OSGIN2: variants seen among roughly 807,000 people sequenced by gnomAD.
OSGIN2 encodes oxidative stress-induced growth inhibitor 2.
A neutral mutation model predicts 53.8 loss-of-function variants in OSGIN2; 19 were observed. That is an observed-to-expected ratio of 0.35 (90% confidence interval 0.25 to 0.52). OSGIN2 has a LOEUF of 0.52. Ranked by LOEUF, OSGIN2 falls within the 20% of genes least tolerant of loss-of-function variation. OSGIN2 has a pLI of 0.95. For missense variants in OSGIN2, 520 were observed against 662.7 expected (o/e 0.78, Z 2.36); for synonymous variants, 236 against 236.0 (o/e 1.00, Z 0.00).
chr8:89,914,674 T>C lies in OSGIN2; in HGVS notation c.456T>C (p.His152=), dbSNP rs369285064. The C allele has an allele frequency of 8.7e-6, 14 of 1,613,976 alleles. No individual in the cohort carries two copies. The highest frequency in any genetic ancestry group is 8.0e-5 in the African/African-American group (6 of 74,938). ...DFGYDYPSVL[H]WKLEQHHYIP... is the part of the protein sequence containing the mutation. ...GGTATGATTATCCATCCGTTTTGCA[T>C]TGGAAATTAGAGCAACATCATTATA... Residue 152 remains histidine (H), a synonymous_variant, in exon 4 of 6, where the codon CAT becomes CAC. Coordinates refer to ENST00000451899, the MANE Select transcript of OSGIN2 (RefSeq NM_001126111.3).
At chr8:89,911,653 G>T (rs923841658) in intron 2 of OSGIN2, among the ~76,000 whole-genome samples, 1 of 149,308 alleles carries the variant, frequency 6.7e-6, no homozygotes, top group Non-Finnish European at 1.5e-5. Context: ...AAGAAAAGAG[G>T]GCCAGGCCTG....
chr8:89,923,849 T>A (rs1432719757), intron 5 of OSGIN2, among the ~76,000 whole-genome samples: 1 of 152,196 alleles, frequency 6.6e-6, no homozygotes, highest in Non-Finnish European at 1.5e-5. Context: ...TTTTGCTTGT[T>A]GCTTTGAACT....
intron 1 of OSGIN2, among the ~76,000 whole-genome samples, chr8:89,906,890 C>T (rs558707489): frequency 6.6e-6 from 1 of 152,226 alleles, no homozygotes; most frequent in South Asian, 2.1e-4. Flanking sequence ...TACACTCCCC[C>T]CAACATATAA....
At chr8:89,907,929 C>T (rs1244340024) in intron 1 of OSGIN2, among the ~76,000 whole-genome samples, 2 of 152,102 alleles carry the variant, frequency 1.3e-5, no homozygotes, top group Admixed American at 1.3e-4. Flanking sequence ...CCATTCCCGT[C>T]GCCTCTGATT....
chr8:89,923,584 T>G (rs774669670), intron 5 of OSGIN2, among the ~76,000 whole-genome samples: 1 of 152,242 alleles, frequency 6.6e-6, no homozygotes, highest in Non-Finnish European at 1.5e-5. Flanking sequence ...TATTCAACAC[T>G]TTATTATAAA....
intron 5 of OSGIN2, among the ~76,000 whole-genome samples, chr8:89,922,853 G>A (rs10435548): frequency 0.035 from 5,379 of 152,204 alleles, 228 homozygotes; most frequent in East Asian, 0.17. Flanking sequence ...ATAGGGTATA[G>A]CCTGTTGCTC....
At chr8:89,904,806 G>GTC (rs918468604) in intron 1 of OSGIN2, among the ~76,000 whole-genome samples, 2 of 151,996 alleles carry the variant, frequency 1.3e-5, no homozygotes, top group Non-Finnish European at 2.9e-5. Flanking sequence ...GAGTGAGACT[G>GTC]TCTCAAAAAA....
intron 5 of OSGIN2, among the ~76,000 whole-genome samples, chr8:89,922,709 A>G (rs764439511): frequency 2.0e-5 from 3 of 152,320 alleles, no homozygotes; most frequent in Non-Finnish European, 2.9e-5. Flanking sequence ...AATGGAGATG[A>G]TAATACAGCC....
At chr8:89,909,152 G>A (rs1351775864) in intron 1 of OSGIN2, among the ~76,000 whole-genome samples, 5 of 145,988 alleles carry the variant, frequency 3.4e-5, no homozygotes, top group South Asian at 4.2e-4. Context: ...TATAAATACC[G>A]TAACTTTTTC....
chr8:89,906,169 G>T (rs1808834844), intron 1 of OSGIN2, among the ~76,000 whole-genome samples: 1 of 152,240 alleles, frequency 6.6e-6, no homozygotes, highest in South Asian at 2.1e-4. Flanking sequence ...CATCACGCAG[G>T]TATTAAGCCT....
At chr8:89,909,537 CT>C in intron 1 of OSGIN2, 29 bp from the exon 2 acceptor site, 1 of 1,295,810 alleles carries the variant, frequency 7.7e-7, no homozygotes, top group Admixed American at 2.6e-5. Context: ...GACTATATCT[CT>C]TTTTATTCCC....
intron 4 of OSGIN2, among the ~76,000 whole-genome samples, chr8:89,917,614 T>C (rs1173869796): frequency 6.6e-6 from 1 of 152,232 alleles, no homozygotes; most frequent in East Asian, 1.9e-4. Context: ...CTATAACCTT[T>C]GATATTTCCT....
Position 89,902,850 on chromosome 8 carries a change from C to CCGGGGATGGGAGGGGAGCAGG in OSGIN2, c.44+22_44+42dup. ...CCGGTCATTTCAGGTGACTTCCTCG[C>CCGGGGATGGGAGGGGAGCAGG]CGGGGATGGGAGGGGAGCAGGCGGG... On this transcript the variant is annotated intron_variant, in intron 1 of 5. Transcript: ENST00000451899. 1 of 1,377,714 alleles carries CCGGGGATGGGAGGGGAGCAGG rather than the reference C, an allele frequency of 7.3e-7. No individual in the cohort carries two copies. Among genetic ancestry groups the CCGGGGATGGGAGGGGAGCAGG allele is most frequent in the Non-Finnish European group, 9.6e-7 (1 of 1,045,122 alleles). 85.3% of individuals were successfully genotyped at this position (1,377,714 alleles called of 1,614,324 possible). A position where few individuals can be genotyped will look rare whatever the true frequency, so the allele number is the denominator to read the frequency against.
chr8:89,917,961 T>G (rs1809116942), intron 4 of OSGIN2, among the ~76,000 whole-genome samples: 1 of 152,192 alleles, frequency 6.6e-6, no homozygotes, highest in Non-Finnish European at 1.5e-5. Flanking sequence ...TATTTCCATC[T>G]TTAAAAAAAT....
chr8:89,916,117 C>A (rs1809073834), intron 4 of OSGIN2, among the ~76,000 whole-genome samples: 1 of 152,064 alleles, frequency 6.6e-6, no homozygotes, highest in Non-Finnish European at 1.5e-5. Flanking sequence ...TTAAAAAAAG[C>A]CATAATGTAT....
In OSGIN2 at chr8:89,924,770, C is replaced by T; in HGVS notation, c.888C>T (p.Cys296=). 6.2e-7 allele frequency: 1 copy of T among 1,614,164 alleles called. No individual in the cohort carries two copies. The highest frequency in any genetic ancestry group is 8.5e-7 in the Non-Finnish European group (1 of 1,180,016). Residue 296 remains cysteine, a synonymous_variant, in exon 6 of 6, where the codon TGC becomes TGT. Coordinates refer to ENST00000451899, the MANE Select transcript of OSGIN2 (RefSeq NM_001126111.3). ...CTGATGGTTCTCATGTTCCCTTCTG[C>T]CTCTTTGCTGAGAATGTAGCGCTGG... ...RIADGSHVPF[C]LFAENVALAT...
At chr8:89,913,257 G>T (rs1447324616) in intron 2 of OSGIN2, among the ~76,000 whole-genome samples, 2 of 152,124 alleles carry the variant, frequency 1.3e-5, no homozygotes, top group African/African-American at 4.8e-5. Flanking sequence ...TACCATCCTT[G>T]CTTTAAGGTT....
At chr8:89,918,997 ATCT>A (rs1489041290) in intron 4 of OSGIN2, among the ~76,000 whole-genome samples, 1 of 152,212 alleles carries the variant, frequency 6.6e-6, no homozygotes, top group Non-Finnish European at 1.5e-5. Context: ...AGCCAGACTC[ATCT>A]TTCTAAATTA....
chr8:89,903,266 A>AATAT, intron 1 of OSGIN2, among the ~76,000 whole-genome samples: 1 of 152,340 alleles, frequency 6.6e-6, no homozygotes, highest in Middle Eastern at 3.4e-3. Context: ...TCTAATCACA[A>AATAT]ATAGATTCTG....
Sources: gnomAD v4.1 joint callset for allele counts (sites outside exome capture counted in the v4.1 genomes callset) on GRCh38, gnomAD v4.1.1 for gene constraint, MANE v1.5 for transcripts, NCBI Gene and HGNC (gene_info 2026-07-23, HGNC 2026-07-21) for gene names.